The following KLRC1 variants were observed in gnomAD, a reference collection of about 807,000 sequenced individuals.
KLRC1 encodes killer cell lectin like receptor C1.
A neutral mutation model predicts 25.9 loss-of-function variants in KLRC1; 22 were observed. The observed-to-expected ratio is 0.85, with a 90% CI of 0.61 to 1.21. KLRC1 has a LOEUF of 1.21. Ranked by LOEUF, KLRC1 falls within the 50% of genes most tolerant of loss-of-function variation. The pLI, the probability that KLRC1 is intolerant of heterozygous loss-of-function variation, is 0.00. For missense variants in KLRC1, 240 were observed against 272.2 expected (o/e 0.88, Z 0.83); for synonymous variants, 77 against 93.1 (o/e 0.83, Z 0.99).
Position 10,449,395 on chromosome 12 carries a change from A to C in KLRC1, c.338-7T>G. ...CAATGGCCACAATGACGTGCTAAAT[A>C]AAGATATGAATTACTATCTAGACCA... On this transcript the variant is annotated splice_polypyrimidine_tract_variant and splice_region_variant and intron_variant, in intron 4 of 6. Coordinates refer to ENST00000359151, the MANE Select transcript of KLRC1 (RefSeq NM_002259.5). 6.2e-7 allele frequency: 1 copy of C among 1,612,328 alleles called. No homozygotes were observed. The highest frequency in any genetic ancestry group is 8.5e-7 in the Non-Finnish European group (1 of 1,179,294).
chr12:10,443,357 C>T (rs1208335748), downstream of KLRC1, among the ~76,000 whole-genome samples: 1 of 139,800 alleles, frequency 7.2e-6, no homozygotes, highest in African/African-American at 2.7e-5. Flanking sequence ...CAACATATAC[C>T]ATGCCTCACA....
intron 2 of KLRC1, 41 bp from the exon 3 acceptor site, chr12:10,450,620 G>C (rs367912189): frequency 8.0e-7 from 1 of 1,247,880 alleles, no homozygotes; most frequent in Non-Finnish European, 1.2e-6. Context: ...AGGAGAGGTG[G>C]ATACAGTCGT....
Position 10,446,718 on chromosome 12 carries a change from C to T in KLRC1, c.591-56G>A, listed in dbSNP as rs1426075188. 3.6e-5 allele frequency: 58 copies of T among 1,603,784 alleles called. No homozygotes were observed. In the Middle Eastern group the frequency reaches 5.0e-4, roughly 14 times the overall value. ...CATTTTAAGCAAATGATTCATGAGA[C>T]GAAAGCATTTTCCATGTACTGTAAG... On this transcript the variant is annotated intron_variant, in intron 6 of 6. Transcript: ENST00000359151.
chr12:10,450,489 A>C lies in KLRC1; in HGVS notation c.278T>G (p.Ile93Ser), dbSNP rs761110831. ...ATCTTCGAAAATAGACTTACAGGGA[A>C]TAACAACTATCGTTACCACAGAGGC... ...LMASVVTIVVIPSTLIQRHNN... is the reference protein window; with the variant it reads ...LMASVVTIVVSPSTLIQRHNN... Residue 93 changes from isoleucine (I) to serine (S), a missense_variant, in exon 3 of 7, where the codon ATT (isoleucine) becomes AGT (serine). By Grantham distance (142) the Ile-to-Ser change is moderately radical (BLOSUM62 -2). Transcript: ENST00000359151. The C allele has an allele frequency of 7.0e-6, 11 of 1,577,226 alleles. No individual in the cohort carries two copies. The highest frequency in any genetic ancestry group is 8.7e-6 in the Non-Finnish European group (10 of 1,148,068).
chr12:10,446,864 G>C (rs184377267), intron 6 of KLRC1, among the ~76,000 whole-genome samples: 4 of 152,266 alleles, frequency 2.6e-5, no homozygotes, highest in Non-Finnish European at 5.9e-5. Flanking sequence ...AGATTCCAGT[G>C]GATGCCTGAA....
chr12:10,446,861 AG>A (rs1250201548), intron 6 of KLRC1, among the ~76,000 whole-genome samples, 199 bp from the exon 7 acceptor site: 2 of 152,202 alleles, frequency 1.3e-5, no homozygotes, highest in Non-Finnish European at 2.9e-5. Flanking sequence ...TCAAGATTCC[AG>A]TGGATGCCTG....
At chr12:10,447,244 CGTTAGT>C in intron 6 of KLRC1, 1 of 254,926 alleles carries the variant, frequency 3.9e-6, no homozygotes, top group Non-Finnish European at 7.4e-6. Flanking sequence ...CGTCAGCTAT[CGTTAGT>C]GTTAGTGTAT....
At chr12:10,452,843 TTAA>T (rs1864152646) in intron 1 of KLRC1, among the ~76,000 whole-genome samples, 1 of 152,214 alleles carries the variant, frequency 6.6e-6, no homozygotes, top group Non-Finnish European at 1.5e-5. Context: ...TTGATTTATT[TTAA>T]TAATCTTTAA....
chr12:10,449,510 T>A, intron 4 of KLRC1, 122 bp from the exon 5 acceptor site: 1 of 1,486,148 alleles, frequency 6.7e-7, no homozygotes, highest in Non-Finnish European at 9.0e-7. Flanking sequence ...CTTCATGGGC[T>A]GGTAAATATA....
rs983525886 is a variant in KLRC1 at position 10,449,862 on chromosome 12, A to G, written c.337+52T>C. 5 of 1,350,312 alleles carry G rather than the reference A, an allele frequency of 3.7e-6. No individual in the cohort carries two copies. The African/African-American group carries it at 6.1e-5, about 17-fold the overall frequency. 83.6% of individuals were successfully genotyped at this position (1,350,312 alleles called of 1,614,324 possible). A position where few individuals can be genotyped will look rare whatever the true frequency, so the allele number is the denominator to read the frequency against. On this transcript the variant is annotated intron_variant, in intron 4 of 6. Transcript: ENST00000359151. ...AAATTTTATTTTTGTACAGCCTAAG[A>G]TCAAGAAAAAATAAACTGTACAATA...
At chr12:10,450,259 T>A in intron 3 of KLRC1, 1 of 468,524 alleles carries the variant, frequency 2.1e-6, no homozygotes, top group Non-Finnish European at 3.7e-6. Flanking sequence ...AACATATTTT[T>A]GAGTTATGAA....
Position 10,449,974 on chromosome 12 carries a change from A to G in KLRC1, c.284-7T>C. 6.8e-7 allele frequency: 1 copy of G among 1,461,198 alleles called. No homozygotes were observed. Among genetic ancestry groups the G allele is most frequent in the Non-Finnish European group, 9.1e-7 (1 of 1,100,554 alleles). 90.5% of individuals were successfully genotyped at this position (1,461,198 alleles called of 1,614,324 possible). On this transcript the variant is annotated splice_region_variant and splice_polypyrimidine_tract_variant and intron_variant, in intron 3 of 6. Coordinates refer to ENST00000359151, the MANE Select transcript of KLRC1 (RefSeq NM_002259.5). Reference sequence around the variant, plus strand: ...TGCCTCTGTATTAATGTAGCTAGAAAAATTAAAGTAATCTTTGTAAAAAAA... The same window carrying G: ...TGCCTCTGTATTAATGTAGCTAGAAGAATTAAAGTAATCTTTGTAAAAAAA...
chr12:10,444,896 T>G (rs545009064), downstream of KLRC1, among the ~76,000 whole-genome samples: 30 of 148,604 alleles, frequency 2.0e-4, no homozygotes, highest in South Asian at 6.4e-3. Flanking sequence ...TTACCCTACA[T>G]AAAATATATA....
At chr12:10,443,344 T>C (rs553672446), downstream of KLRC1, among the ~76,000 whole-genome samples, 2 of 140,314 alleles carry the variant, frequency 1.4e-5, no homozygotes, top group Non-Finnish European at 3.1e-5. Flanking sequence ...ATAAAATATT[T>C]AACAACATAT....
rs778527297 is a variant in KLRC1, at chr12:10,449,334, T to C, written c.392A>G (p.Tyr131Cys). The C allele has an allele frequency of 1.9e-6, 3 of 1,613,974 alleles. No homozygotes were observed. Among genetic ancestry groups the C allele is most frequent in the Admixed American group, 3.3e-5 (2 of 60,020 alleles). Residue 131 changes from tyrosine to cysteine, a missense_variant, in exon 5 of 7, where the codon TAC (tyrosine) becomes TGC (cysteine). Transcript: ENST00000359151. ...EEWITYSNSC[Y>C]YIGKERRTWE... ...AGTTCTTCTTTCCTTACCAATGTAG[T>C]AACAACTGTTGGAATATGTAATCCA...
At chr12:10,444,273 G>T (rs1280081478), downstream of KLRC1, among the ~76,000 whole-genome samples, 3 of 143,954 alleles carry the variant, frequency 2.1e-5, no homozygotes, top group Non-Finnish European at 3.1e-5. Context: ...TCACGATAAA[G>T]AATAATGTTA....
At chr12:10,453,472 T>G (rs1724148049), upstream of KLRC1, 1 of 435,090 alleles carries the variant, frequency 2.3e-6, no homozygotes, top group South Asian at 9.8e-5. Flanking sequence ...ATCACACACC[T>G]CCAAAATATA....
chr12:10,448,611 C>G (rs1428642642), intron 5 of KLRC1, among the ~76,000 whole-genome samples: 1 of 152,162 alleles, frequency 6.6e-6, no homozygotes. Context: ...CTTCCCCATC[C>G]AGAGACACAG....
Position 10,446,408 on chromosome 12 carries a change from T to A in KLRC1, c.*143A>T. ...ATGTCTGTACTTTAGTAATTGTGTG[T>A]ATCCTGTTTCAATAATTGATTTAGA... On this transcript the variant is annotated 3_prime_UTR_variant, in exon 7 of 7. Coordinates refer to ENST00000359151, the MANE Select transcript of KLRC1 (RefSeq NM_002259.5). 2 of 1,432,950 alleles carry A rather than the reference T, an allele frequency of 1.4e-6. 1 individual carries two copies. Among genetic ancestry groups the A allele is most frequent in the South Asian group, 3.2e-5 (2 of 62,886 alleles). 88.8% of individuals were successfully genotyped at this position (1,432,950 alleles called of 1,614,324 possible). A position where few individuals can be genotyped will look rare whatever the true frequency, so the allele number is the denominator to read the frequency against.
Sources: gnomAD v4.1 joint callset for allele counts (sites outside exome capture counted in the v4.1 genomes callset) on GRCh38, gnomAD v4.1.1 for gene constraint, MANE v1.5 for transcripts, NCBI Gene and HGNC (gene_info 2026-07-23, HGNC 2026-07-21) for gene names.